SFXN5: variants seen among roughly 807,000 people sequenced by gnomAD.
SFXN5 encodes the protein sideroflexin 5.
In SFXN5, 43 loss-of-function variants were observed where a neutral mutation model predicts 50.2. That is an observed-to-expected ratio of 0.86 (90% confidence interval 0.67 to 1.11). The LOEUF (loss-of-function observed/expected upper bound fraction) is 1.11. Among genes scored for constraint, SFXN5 ranks in the 50% least tolerant of loss-of-function variants. The pLI, the probability that SFXN5 is intolerant of heterozygous loss-of-function variation, is 0.00. For synonymous variants in SFXN5, 203 were observed against 185.8 expected (o/e 1.09, Z -0.75); for missense variants, 463 against 454.1 (o/e 1.02, Z -0.18).
In SFXN5 at chr2:72,992,748, C is replaced by T. The variant is rs1377626153; in HGVS notation, c.535-4400G>A. ...TGACAGTGCACCTCCTAACCAGGCC[C>T]CCTGTTTCCACTCTTGCCCCCATCC... On this transcript the variant is annotated intron_variant, in intron 9 of 13. Transcript: ENST00000272433. The surrounding 1 kb of genome is among the most constrained non-coding windows in gnomAD (Gnocchi z 4.5). 2.0e-5 allele frequency among the ~76,000 whole-genome samples: 3 copies of T among 152,224 alleles called. No individual in the cohort carries two copies. Among genetic ancestry groups the T allele is most frequent in the African/African-American group, 7.2e-5 (3 of 41,462 alleles).
intron 10 of SFXN5, among the ~76,000 whole-genome samples, chr2:72,983,346 AAT>A (rs1262868518): frequency 6.6e-6 from 1 of 152,214 alleles, no homozygotes; most frequent in African/African-American, 2.4e-5. Context: ...ATGGCAATAA[AAT>A]AAATCCTGAC....
At chr2:73,059,257 G>A (rs889193048) in intron 1 of SFXN5, 56 of 985,564 alleles carry the variant, frequency 5.7e-5, no homozygotes, top group African/African-American at 2.1e-4. Flanking sequence ...CAAGCAACCC[G>A]GCTGCTGGGC....
chr2:72,997,276 TG>T (rs1420329813), intron 9 of SFXN5: 2 of 152,214 alleles, frequency 1.3e-5, no homozygotes, highest in Non-Finnish European at 2.9e-5. Context: ...TTTAGAAGAA[TG>T]GTGAATTAAA....
intron 11 of SFXN5, among the ~76,000 whole-genome samples, chr2:72,971,217 G>A (rs997675391): frequency 6.6e-6 from 1 of 152,106 alleles, no homozygotes; most frequent in African/African-American, 2.4e-5. Context: ...GGATGTGAAG[G>A]CCCGGGAGGT....
chr2:72,947,485 G>A (rs1672084732), intron 13 of SFXN5, among the ~76,000 whole-genome samples: 1 of 152,214 alleles, frequency 6.6e-6, no homozygotes, highest in African/African-American at 2.4e-5. Context: ...GAGGCACCAG[G>A]CCTCTTGCAA....
chr2:73,059,615 C>A, intron 1 of SFXN5: 1 of 983,654 alleles, frequency 1.0e-6, no homozygotes, highest in Non-Finnish European at 1.2e-6. Context: ...CATTTCTCTC[C>A]CACCATGGCA....
intron 9 of SFXN5, among the ~76,000 whole-genome samples, 188 bp from the exon 10 acceptor site, chr2:72,988,536 C>A (rs1238785503): frequency 6.6e-6 from 1 of 152,010 alleles, no homozygotes; most frequent in African/African-American, 2.4e-5. Flanking sequence ...CTTAAAGTAC[C>A]ACTGCCCAGT....
chr2:73,018,780 A>C (rs928766573), intron 6 of SFXN5, among the ~76,000 whole-genome samples: 15 of 152,212 alleles, frequency 9.9e-5, no homozygotes, highest in African/African-American at 3.4e-4. Flanking sequence ...AATACCTAAA[A>C]TAGTGTTATG....
chr2:72,965,988 T>C (rs1298393240), intron 12 of SFXN5, among the ~76,000 whole-genome samples: 1 of 152,216 alleles, frequency 6.6e-6, no homozygotes, highest in Non-Finnish European at 1.5e-5. Context: ...CCTGGGCTCA[T>C]GTTCCTACCT....
intron 9 of SFXN5, among the ~76,000 whole-genome samples, chr2:72,989,879 C>T (rs1672370252): frequency 1.3e-5 from 2 of 152,240 alleles, no homozygotes; most frequent in South Asian, 4.1e-4. Context: ...TGGGAGGAGC[C>T]GTGGCAGGAC....
At chr2:73,023,274 T>G in intron 3 of SFXN5, 60 bp from the exon 4 acceptor site, 4 of 1,505,660 alleles carry the variant, frequency 2.7e-6, no homozygotes, top group South Asian at 1.2e-5. Flanking sequence ...TATATCGGTT[T>G]AAGGCTTCCA....
intron 2 of SFXN5, among the ~76,000 whole-genome samples, chr2:73,041,265 G>C (rs1445178796): frequency 1.3e-5 from 2 of 152,192 alleles, no homozygotes; most frequent in African/African-American, 2.4e-5. Context: ...GTGAATATTT[G>C]TATATGTCAA....
chr2:73,051,688 G>A (rs1681354046), intron 2 of SFXN5, among the ~76,000 whole-genome samples: 1 of 152,190 alleles, frequency 6.6e-6, no homozygotes, highest in African/African-American at 2.4e-5. Context: ...GTCCGTCTGT[G>A]CTGCTATAAC....
chr2:72,945,825 C>A lies in SFXN5; in HGVS notation c.946-726G>T, dbSNP rs998392235. 6.6e-6 allele frequency among the ~76,000 whole-genome samples: 1 copy of A among 151,926 alleles called. No individual in the cohort carries two copies. Among genetic ancestry groups the A allele is most frequent in the Non-Finnish European group, 1.5e-5 (1 of 67,986 alleles). Reference sequence around the variant, plus strand: ...TGGCTGGACCCCCAACCACTGCAGACAACCACCCCACCCCTGCCCCCATAG... The same window carrying A: ...TGGCTGGACCCCCAACCACTGCAGAAAACCACCCCACCCCTGCCCCCATAG... On this transcript the variant is annotated intron_variant, in intron 13 of 13. Transcript: ENST00000272433. The surrounding 1 kb of genome is among the most constrained non-coding windows in gnomAD (Gnocchi z 5.8).
At chr2:73,021,695 C>A (rs566501875) in intron 5 of SFXN5, among the ~76,000 whole-genome samples, 7 of 152,234 alleles carry the variant, frequency 4.6e-5, no homozygotes, top group African/African-American at 1.7e-4. Context: ...CTCCAGCCAC[C>A]CGAGGCCTTC....
intron 3 of SFXN5, among the ~76,000 whole-genome samples, chr2:73,027,028 C>T (rs899264787): frequency 6.6e-6 from 1 of 151,890 alleles, no homozygotes; most frequent in East Asian, 1.9e-4. Flanking sequence ...TGCCCAGCCA[C>T]TTCTTATTAT....
Position 72,943,717 on chromosome 2 carries a change from G to A in SFXN5, c.*1305C>T, listed in dbSNP as rs1460382450. The A allele has an allele frequency of 6.5e-6, 1 of 152,750 alleles. No homozygotes were observed. The highest frequency in any genetic ancestry group is 2.4e-5 in the African/African-American group (1 of 41,458). 9.5% of individuals were successfully genotyped at this position (152,750 alleles called of 1,614,324 possible). A position where few individuals can be genotyped will look rare whatever the true frequency, so the allele number is the denominator to read the frequency against. On this transcript the variant is annotated 3_prime_UTR_variant, in exon 14 of 14. Transcript: ENST00000272433. ...CCGGGATATGGAGTCACATACACAA[G>A]GCAAGGCCTTCTGCTGAGGCCAACT...
chr2:73,071,540 G>A (rs911983260), intron 1 of SFXN5, 64 bp downstream of exon 1: 6 of 1,490,124 alleles, frequency 4.0e-6, no homozygotes, highest in African/African-American at 2.8e-5. Context: ...GGGGACTTTG[G>A]AGGGGAGTTT....
rs201387989 is a variant in SFXN5 at position 73,047,300 on chromosome 2, AAT to A, written c.172-6371_172-6370del. ...TACACACATATATATATATATATAA[AAT>A]ATATATGTGTGTGTATGTATATATA... On this transcript the variant is annotated intron_variant, in intron 2 of 13. Coordinates refer to ENST00000272433, the MANE Select transcript of SFXN5 (RefSeq NM_144579.3). Among the ~76,000 whole-genome samples, 607 of 103,838 alleles carry A rather than the reference AAT, an allele frequency of 5.8e-3. 16 individuals carry two copies. The highest frequency in any genetic ancestry group is 0.017 in the African/African-American group (447 of 26,044). 68.1% of individuals were successfully genotyped at this position (103,838 alleles called of 152,430 possible). A position where few individuals can be genotyped will look rare whatever the true frequency, so the allele number is the denominator to read the frequency against.
Sources: gnomAD v4.1 joint callset for allele counts (sites outside exome capture counted in the v4.1 genomes callset) on GRCh38, gnomAD v4.1.1 for gene constraint, Gnocchi (gnomAD v3.1) non-coding constraint, MANE v1.5 for transcripts, NCBI Gene and HGNC (gene_info 2026-07-23, HGNC 2026-07-21) for gene names.